SIM2: variants seen among roughly 807,000 people sequenced by gnomAD.
SIM2 encodes the protein SIM bHLH transcription factor 2.
Under a neutral mutation model 64.8 loss-of-function variants are expected in SIM2, and 28 were observed. The ratio of observed to expected loss-of-function variants is 0.43; its 90% CI spans 0.32 to 0.59. The LOEUF is 0.59. SIM2 is among the 20% of genes least tolerant of loss of function. The pLI is 0.07. For missense variants in SIM2, 847 were observed against 871.4 expected, an observed-to-expected ratio of 0.97 and a Z score of 0.35; for synonymous variants, 408 against 391.1, an observed-to-expected ratio of 1.04 and a Z score of -0.51.
chr21:36,732,030 A>C (rs1043686289), intron 7 of SIM2, among the ~76,000 whole-genome samples: 1 of 152,082 alleles, frequency 6.6e-6, no homozygotes, highest in African/African-American at 2.4e-5. Flanking sequence ...TTATAGGTGC[A>C]TGCCACCACG....
At chr21:36,717,297 G>A (rs2123445230) in intron 3 of SIM2, among the ~76,000 whole-genome samples, 2 of 152,264 alleles carry the variant, frequency 1.3e-5, no homozygotes, top group South Asian at 2.1e-4. Flanking sequence ...AAAGAACTTC[G>A]AGCAAACCAG....
At chr21:36,743,189 T>C (rs1465075247) in intron 8 of SIM2, among the ~76,000 whole-genome samples, 198 bp from the exon 9 acceptor site, 1 of 152,178 alleles carries the variant, frequency 6.6e-6, no homozygotes, top group Non-Finnish European at 1.5e-5. Context: ...CAGCATTTCC[T>C]GGGGTGGCCC....
intron 10 of SIM2, chr21:36,746,090 C>A (rs533642861): frequency 8.1e-5 from 61 of 752,456 alleles, no homozygotes; most frequent in Middle Eastern, 6.4e-4. Context: ...CCAAGGTGGG[C>A]GGATCACCTG....
At chr21:36,728,831 G>T (rs2088928582) in intron 6 of SIM2, among the ~76,000 whole-genome samples, 1 of 152,270 alleles carries the variant, frequency 6.6e-6, no homozygotes, top group Admixed American at 6.5e-5. Context: ...GCGGCCCCAA[G>T]TCACAGGAGC....
At chr21:36,722,374 C>A (rs1214398211) in intron 4 of SIM2, among the ~76,000 whole-genome samples, 1 of 152,150 alleles carries the variant, frequency 6.6e-6, no homozygotes, top group Non-Finnish European at 1.5e-5. Flanking sequence ...CTAGTGGTAA[C>A]CTTCCTTTAA....
At position 36,742,428 on chromosome 21, in the gene SIM2, T is replaced by A. The variant is rs1462710834; in HGVS notation, c.998+564T>A. On this transcript the variant is annotated intron_variant, in intron 8 of 10. Transcript: ENST00000290399. ...TTTTTTTTTGTAAATTAAAAAAAAA[T>A]ATGTTTTTGTAGAGACGGGGTTTTG... 3.7e-5 allele frequency among the ~76,000 whole-genome samples: 5 copies of A among 133,644 alleles called. No individual in the cohort carries two copies. The Admixed American group carries it at 3.9e-4, about 10-fold the overall frequency. The allele number at this position is 133,644 out of a possible 152,430, so 87.7% of individuals were successfully genotyped here.
In SIM2 at chr21:36,719,904, G is replaced by A. The variant is rs749613575; in HGVS notation, c.432G>A (p.Gln144=). Residue 144 remains glutamine (Q), a synonymous_variant, in exon 4 of 11, where the codon CAG becomes CAA. Transcript: ENST00000290399. ...DEMTAVLTAH[Q]PLHHHLLQEY... ...TGACCGCTGTCCTCACGGCCCACCA[G>A]CCGCTGCACCACCACCTGCTCCAAG... The A allele has an allele frequency of 6.2e-7, 1 of 1,610,868 alleles. No individual in the cohort carries two copies. The highest frequency in any genetic ancestry group is 1.7e-5 in the Admixed American group (1 of 59,992).
chr21:36,706,659 T>C (rs1294584686), intron 1 of SIM2, among the ~76,000 whole-genome samples: 1 of 152,200 alleles, frequency 6.6e-6, no homozygotes, highest in Admixed American at 6.5e-5. Context: ...CCAAAGTAGA[T>C]TTTTATGGGC....
At chr21:36,702,869 G>A (rs774169933) in intron 1 of SIM2, among the ~76,000 whole-genome samples, 9 of 150,010 alleles carry the variant, frequency 6.0e-5, no homozygotes, top group Non-Finnish European at 1.2e-4. Flanking sequence ...ATCTGCCAAG[G>A]GCGGTCTTGT....
intron 3 of SIM2, among the ~76,000 whole-genome samples, chr21:36,715,330 T>C (rs2088732604): frequency 6.6e-6 from 1 of 152,248 alleles, no homozygotes; most frequent in Non-Finnish European, 1.5e-5. Context: ...AAGTATTGAA[T>C]AGGATGTCAA....
intron 3 of SIM2, among the ~76,000 whole-genome samples, chr21:36,716,268 G>A (rs569419721): frequency 2.0e-5 from 3 of 152,310 alleles, no homozygotes; most frequent in Admixed American, 2.0e-4. Context: ...TGTAGCTGCT[G>A]TATACATTTT....
chr21:36,724,159 G>A (rs2088860315), intron 5 of SIM2, among the ~76,000 whole-genome samples: 1 of 152,224 alleles, frequency 6.6e-6, no homozygotes, highest in South Asian at 2.1e-4. Flanking sequence ...CTCCTCCTTT[G>A]ACCTATATCT....
rs144695640 is a variant in SIM2, at chr21:36,733,258, T to C, written c.850+2107T>C. Among the ~76,000 whole-genome samples the C allele has an allele frequency of 3.5e-4, 54 of 152,180 alleles. 1 individual carries two copies. The East Asian group carries it at 9.1e-3, about 26-fold the overall frequency. ...TTTTTTTAATGAGATGGAGTCTCGC[T>C]CTGTTGCCCAGGCTGGAGTGCAGTG... On this transcript the variant is annotated intron_variant, in intron 7 of 10. Transcript: ENST00000290399.
At chr21:36,706,615 C>T (rs1320500352) in intron 1 of SIM2, among the ~76,000 whole-genome samples, 8 of 152,244 alleles carry the variant, frequency 5.3e-5, no homozygotes, top group African/African-American at 4.8e-5. Context: ...AATTTTCTTT[C>T]GTTACAAATC....
Position 36,726,698 on chromosome 21 carries a change from G to A in SIM2, c.743+380G>A, listed in dbSNP as rs568129550. Among the ~76,000 whole-genome samples, 7 of 152,332 alleles carry A rather than the reference G, an allele frequency of 4.6e-5. No homozygotes were observed. In the South Asian group the frequency reaches 1.5e-3, roughly 32 times the overall value. ...CAGAGCTCTGCCTCCTGCGTCCAAGGAGGACTTTAGAACAAACAGAAAATT... is the reference window on the plus strand; with the variant it reads ...CAGAGCTCTGCCTCCTGCGTCCAAGAAGGACTTTAGAACAAACAGAAAATT... On this transcript the variant is annotated intron_variant, in intron 6 of 10. Transcript: ENST00000290399. The surrounding 1 kb of genome is among the most constrained non-coding windows in gnomAD (Gnocchi z 4.5).
At chr21:36,710,819 A>G (rs2243395) in intron 2 of SIM2, among the ~76,000 whole-genome samples, 120,280 of 152,208 alleles carry the variant, frequency 0.79, 48,082 homozygotes, top group African/African-American at 0.93. Flanking sequence ...GGCCGCGGCG[A>G]GTAATGGCGC....
intron 9 of SIM2, among the ~76,000 whole-genome samples, 158 bp from the exon 10 acceptor site, chr21:36,744,570 C>T (rs1389662814): frequency 6.6e-6 from 1 of 152,134 alleles, no homozygotes; most frequent in East Asian, 1.9e-4. Flanking sequence ...GGGTATCGCT[C>T]GCTGTGTGCC....
intron 3 of SIM2, among the ~76,000 whole-genome samples, chr21:36,718,666 C>A (rs1308283966): frequency 1.3e-5 from 2 of 152,176 alleles, no homozygotes; most frequent in East Asian, 3.9e-4. Flanking sequence ...TGGAGGAAGT[C>A]CTACCACTGC....
intron 5 of SIM2, among the ~76,000 whole-genome samples, chr21:36,724,848 G>A (rs1488661809): frequency 6.6e-6 from 1 of 152,170 alleles, no homozygotes; most frequent in Non-Finnish European, 1.5e-5. Flanking sequence ...ACTGCAGCTT[G>A]AATAAATGCT....
Sources: allele counts gnomAD v4.1 joint callset (sites outside exome capture counted in the v4.1 genomes callset), GRCh38; gene constraint gnomAD v4.1.1; non-coding constraint Gnocchi (gnomAD v3.1); transcripts MANE v1.5; gene names NCBI Gene and HGNC (gene_info 2026-07-23, HGNC 2026-07-21).